The following KCNK10 variants were observed in gnomAD, a reference collection of about 807,000 sequenced individuals.
The protein encoded by KCNK10 is potassium two pore domain channel subfamily K member 10.
In KCNK10, 25 loss-of-function variants were observed where a neutral mutation model predicts 47.7. That is an observed-to-expected ratio of 0.52 (90% CI 0.38 to 0.73). The LOEUF (loss-of-function observed/expected upper bound fraction) is 0.73, where lower values mean the gene tolerates loss of function less well. Among genes scored for constraint, KCNK10 ranks in the 30% least tolerant of loss-of-function variants. The probability of loss-of-function intolerance (pLI) is 0.00; values close to 1 mark genes in which losing one functional copy is unlikely to be tolerated. For synonymous variants in KCNK10, 303 were observed against 285.6 expected (o/e 1.06, Z -0.61); for missense variants, 563 against 714.5 (o/e 0.79, Z 2.42).
intron 4 of KCNK10, among the ~76,000 whole-genome samples, chr14:88,199,957 TTCTTTCTTTCTTTC>T (rs1253384896): frequency 6.6e-6 from 1 of 152,032 alleles, no homozygotes; most frequent in African/African-American, 2.4e-5. Context: ...AATAGACAGT[TTCTTTCTTTCTTTC>T]TCTTTCTTTC....
At chr14:88,255,659 C>T (rs931684047) in intron 2 of KCNK10, among the ~76,000 whole-genome samples, 2 of 151,954 alleles carry the variant, frequency 1.3e-5, no homozygotes, top group Admixed American at 6.6e-5. Context: ...AGGCAAGCAC[C>T]GAAGAGAGGC....
chr14:88,257,229 A>G lies in KCNK10; in HGVS notation c.402+5973T>C, dbSNP rs931631084. On this transcript the variant is annotated intron_variant, in intron 2 of 6. Coordinates refer to ENST00000319231, the MANE Select transcript of KCNK10 (RefSeq NM_138317.3). ...CCAACCCAACTTCCTCATTGCTAAA[A>G]GGTTTTTTCAGCAGCCAATTTCCAT... Among the ~76,000 whole-genome samples, 16 of 152,250 alleles carry G rather than the reference A, an allele frequency of 1.1e-4. No homozygotes were observed. In the East Asian group the frequency reaches 1.2e-3, roughly 11 times the overall value.
At chr14:88,217,943 A>T (rs953242068) in intron 4 of KCNK10, among the ~76,000 whole-genome samples, 3 of 151,948 alleles carry the variant, frequency 2.0e-5, no homozygotes, top group Admixed American at 6.6e-5. Context: ...GGCTGGTCTC[A>T]AACTGCTGAC....
rs542839925 is a variant in KCNK10, at chr14:88,188,740, C to T, written c.869-631G>A. 1.6e-4 allele frequency among the ~76,000 whole-genome samples: 24 copies of T among 152,298 alleles called. 1 individual carries two copies. In the South Asian group the frequency reaches 4.8e-3, roughly 30 times the overall value. On this transcript the variant is annotated intron_variant, in intron 5 of 6. Transcript: ENST00000319231. ...ACCATAAACTAGAACTAAAAGGGAC[C>T]TTTGAGGCCAATCCCTTTATTTTAT... is the stretch of plus-strand genomic sequence containing the variant.
intron 1 of KCNK10, among the ~76,000 whole-genome samples, chr14:88,273,679 C>T (rs544300976): frequency 1.3e-5 from 2 of 152,228 alleles, no homozygotes; most frequent in African/African-American, 2.4e-5. Flanking sequence ...ACTCTGACTC[C>T]GCCATGTTGA....
At chr14:88,256,131 G>A (rs1194917780) in intron 2 of KCNK10, among the ~76,000 whole-genome samples, 2 of 152,146 alleles carry the variant, frequency 1.3e-5, no homozygotes, top group African/African-American at 2.4e-5. Flanking sequence ...CGGGTTAAGC[G>A]GCTTGCCCTA....
rs754037603 is a variant in KCNK10 at position 88,263,324 on chromosome 14, C to A, written c.280G>T (p.Val94Phe). The A allele has an allele frequency of 7.2e-5, 116 of 1,613,898 alleles. No homozygotes were observed. Among genetic ancestry groups the A allele is most frequent in the Non-Finnish European group, 9.3e-5 (110 of 1,180,058 alleles). The change falls in exon 2 of 7, where the codon GTC becomes TTC. Residue 94 changes from valine (V) to phenylalanine (F), a missense_variant. By Grantham distance (50) the Val-to-Phe change is conservative. Coordinates refer to ENST00000319231, the MANE Select transcript of KCNK10 (RefSeq NM_138317.3). ...AAGGGCTGCTCCAATGCCCGGAAGA[C>A]AAGACCGCCAGTGACAAGGTAGACC... ...VVVYLVTGGLVFRALEQPFES... is the reference protein window; with the variant it reads ...VVVYLVTGGLFFRALEQPFES...
intron 1 of KCNK10, among the ~76,000 whole-genome samples, chr14:88,276,457 C>A (rs1334396415): frequency 6.6e-6 from 1 of 152,072 alleles, no homozygotes. Flanking sequence ...ATTATAGTAG[C>A]CCTAAGGCAC....
At position 88,249,746 on chromosome 14, in the gene KCNK10, G is replaced by A. The variant is rs549681180; in HGVS notation, c.403-8926C>T. 8.5e-5 allele frequency among the ~76,000 whole-genome samples: 13 copies of A among 152,230 alleles called. No homozygotes were observed. The East Asian group carries it at 2.1e-3, about 25-fold the overall frequency. ...GTAAAATTTAAATGAGTTACTACAC[G>A]TGAAGCATTTAGAGCAGTTCCTGTC... On this transcript the variant is annotated intron_variant, in intron 2 of 6. Coordinates refer to ENST00000319231, the MANE Select transcript of KCNK10 (RefSeq NM_138317.3).
chr14:88,201,082 G>A (rs1018503928), intron 4 of KCNK10, among the ~76,000 whole-genome samples: 5 of 152,220 alleles, frequency 3.3e-5, no homozygotes, highest in Non-Finnish European at 7.3e-5. Context: ...AGGCTAGGGA[G>A]GTGCCAATGA....
intron 1 of KCNK10, among the ~76,000 whole-genome samples, chr14:88,303,777 A>G (rs949618735): frequency 2.0e-5 from 3 of 152,114 alleles, no homozygotes; most frequent in Non-Finnish European, 4.4e-5. Context: ...GTTTCGACCA[A>G]TTGCTTCTTT....
At chr14:88,244,546 TA>T (rs552978767) in intron 2 of KCNK10, among the ~76,000 whole-genome samples, 383 of 152,038 alleles carry the variant, frequency 2.5e-3, no homozygotes, top group African/African-American at 8.6e-3. Flanking sequence ...GCGGGCGCTG[TA>T]GTCCCAGCTA....
intron 1 of KCNK10, among the ~76,000 whole-genome samples, chr14:88,315,269 C>T (rs1242192454): frequency 6.6e-6 from 1 of 152,174 alleles, no homozygotes; most frequent in Non-Finnish European, 1.5e-5. Flanking sequence ...ACATTCTTAG[C>T]CAGTAGAATC....
intron 4 of KCNK10, among the ~76,000 whole-genome samples, chr14:88,212,562 T>C (rs1885495148): frequency 6.6e-6 from 1 of 152,068 alleles, no homozygotes; most frequent in Non-Finnish European, 1.5e-5. Flanking sequence ...GCAGCACACA[T>C]GTTAAGGAGA....
chr14:88,258,026 C>G (rs535375466), intron 2 of KCNK10, among the ~76,000 whole-genome samples: 1 of 152,180 alleles, frequency 6.6e-6, no homozygotes, highest in South Asian at 2.1e-4. Context: ...TTGCCAAATG[C>G]CCCCTAGAGG....
chr14:88,196,440 G>A (rs1466898804), intron 4 of KCNK10, among the ~76,000 whole-genome samples: 3 of 152,106 alleles, frequency 2.0e-5, no homozygotes, highest in Admixed American at 1.3e-4. Context: ...GTCTGTTTTT[G>A]TTTACTTCCA....
intron 4 of KCNK10, among the ~76,000 whole-genome samples, chr14:88,201,576 C>G (rs1885103621): frequency 6.6e-6 from 1 of 151,992 alleles, no homozygotes; most frequent in South Asian, 2.1e-4. Context: ...AGGGGAATCG[C>G]TTGAACCCGG....
chr14:88,193,503 T>C (rs535593443), intron 4 of KCNK10, among the ~76,000 whole-genome samples: 13 of 152,278 alleles, frequency 8.5e-5, no homozygotes, highest in African/African-American at 2.9e-4. Context: ...TGGTATCATA[T>C]ACTAGCATAA....
At chr14:88,218,914 T>C (rs944870615) in intron 4 of KCNK10, among the ~76,000 whole-genome samples, 22 of 152,186 alleles carry the variant, frequency 1.4e-4, no homozygotes, top group African/African-American at 5.3e-4. Context: ...GGAAGAATTA[T>C]TTTTACTTTA....
Sources: gnomAD v4.1 joint callset for allele counts (sites outside exome capture counted in the v4.1 genomes callset) on GRCh38, gnomAD v4.1.1 for gene constraint, MANE v1.5 for transcripts, NCBI Gene and HGNC (gene_info 2026-07-23, HGNC 2026-07-21) for gene names.